MPDZ: variants seen among roughly 807,000 people sequenced by gnomAD.
The protein encoded by MPDZ is multiple PDZ domain crumbs cell polarity complex component.
In MPDZ, 234 loss-of-function variants were observed where a neutral mutation model predicts 239.1. The ratio of observed to expected loss-of-function variants is 0.98; its 90% CI spans 0.88 to 1.09. The LOEUF is 1.09. Among genes scored for constraint, MPDZ ranks in the 50% least tolerant of loss-of-function variants. MPDZ has a pLI of 0.00. For missense variants in MPDZ, 3,175 were observed against 2,510.0 expected (o/e 1.26, Z -5.66); for synonymous variants, 1,048 against 881.3 (o/e 1.19, Z -3.35).
intron 3 of MPDZ, among the ~76,000 whole-genome samples, chr9:13,228,544 T>C (rs1587960304): frequency 6.6e-6 from 1 of 152,116 alleles, no homozygotes; most frequent in Non-Finnish European, 1.5e-5. Flanking sequence ...CACATGTATA[T>C]TCATTTGTAT....
At chr9:13,159,505 A>C (rs1307190784) in intron 23 of MPDZ, among the ~76,000 whole-genome samples, 2 of 152,142 alleles carry the variant, frequency 1.3e-5, no homozygotes, top group African/African-American at 4.8e-5. Context: ...CAAGGCAGAG[A>C]GGTAAAAATT....
intron 23 of MPDZ, among the ~76,000 whole-genome samples, chr9:13,159,662 C>T (rs1950233584): frequency 6.6e-6 from 1 of 152,078 alleles, no homozygotes; most frequent in East Asian, 1.9e-4. Flanking sequence ...AAAGCCTAAG[C>T]AGTGAGAGCT....
chr9:13,109,217 T>C (rs1338648424), intron 45 of MPDZ, among the ~76,000 whole-genome samples, 158 bp from the exon 46 acceptor site: 1 of 152,180 alleles, frequency 6.6e-6, no homozygotes, highest in East Asian at 1.9e-4. Flanking sequence ...AAATTGTCAG[T>C]GCATGCTGTG....
intron 28 of MPDZ, among the ~76,000 whole-genome samples, chr9:13,138,450 G>C (rs900717315): frequency 1.3e-5 from 2 of 152,160 alleles, no homozygotes; most frequent in African/African-American, 4.8e-5. Context: ...ACTCTCAAAA[G>C]ACTATGATTA....
At chr9:13,179,467 A>C (rs2134321128) in intron 19 of MPDZ, among the ~76,000 whole-genome samples, 1 of 152,282 alleles carries the variant, frequency 6.6e-6, no homozygotes, top group African/African-American at 2.4e-5. Context: ...TGAAGGAGTT[A>C]ACACAGACAC....
At chr9:13,114,773 G>C (rs924786829) in intron 40 of MPDZ, among the ~76,000 whole-genome samples, 2 of 151,904 alleles carry the variant, frequency 1.3e-5, no homozygotes, top group Admixed American at 1.3e-4. Context: ...GGTGGTGCAC[G>C]CCTGTAGTCC....
intron 13 of MPDZ, among the ~76,000 whole-genome samples, chr9:13,194,001 A>T (rs1389887423): frequency 6.6e-6 from 1 of 152,176 alleles, no homozygotes; most frequent in African/African-American, 2.4e-5. Flanking sequence ...AAGCGATATC[A>T]CCTGACTTTG....
intron 1 of MPDZ, among the ~76,000 whole-genome samples, chr9:13,266,898 T>C (rs189727512): frequency 1.3e-5 from 2 of 152,310 alleles, no homozygotes; most frequent in African/African-American, 4.8e-5. Flanking sequence ...ATTAGAGGGA[T>C]GTCTACCCTG....
intron 1 of MPDZ, among the ~76,000 whole-genome samples, chr9:13,277,708 G>A (rs1974558898): frequency 6.6e-6 from 1 of 152,074 alleles, no homozygotes; most frequent in African/African-American, 2.4e-5. Flanking sequence ...GAGACTACAG[G>A]TGCGAGCCAT....
intron 32 of MPDZ, among the ~76,000 whole-genome samples, chr9:13,129,948 A>G (rs1262585555): frequency 2.0e-5 from 3 of 152,210 alleles, no homozygotes; most frequent in African/African-American, 7.2e-5. Context: ...ACAAATTAAT[A>G]TTATTTGGAG....
chr9:13,254,265 A>G (rs938060135), intron 1 of MPDZ, among the ~76,000 whole-genome samples: 7 of 152,254 alleles, frequency 4.6e-5, no homozygotes, highest in Admixed American at 2.0e-4. Context: ...CGGTCTATCA[A>G]AGAAAGATCA....
Position 13,198,733 on chromosome 9 carries a change from C to CTGTGTGTGTGTGTGTG in MPDZ, c.1547-2504_1547-2503insCACACACACACACACA, listed in dbSNP as rs746268904. Among the ~76,000 whole-genome samples the CTGTGTGTGTGTGTGTG allele has an allele frequency of 1.2e-3, 110 of 89,486 alleles. 2 individuals carry two copies. Among genetic ancestry groups the CTGTGTGTGTGTGTGTG allele is most frequent in the African/African-American group, 2.9e-3 (104 of 35,344 alleles). The allele number at this position is 89,486 out of a possible 152,430, so 58.7% of individuals were successfully genotyped here. ...TCTTATATTTAGGTCTTTAATCTCT[C>CTGTGTGTGTGTGTGTG]TCTCTGTGTGTGTGTGTGTGTGTGT... On this transcript the variant is annotated intron_variant, in intron 12 of 46. Coordinates refer to ENST00000319217, the MANE Select transcript of MPDZ (RefSeq NM_001378778.1).
chr9:13,248,815 T>A (rs1367318512), intron 2 of MPDZ, among the ~76,000 whole-genome samples: 3 of 145,824 alleles, frequency 2.1e-5, no homozygotes, highest in African/African-American at 5.0e-5. Flanking sequence ...TAAAAAAAAA[T>A]AAAAAAAATC....
rs185116703 is a variant in MPDZ, at chr9:13,162,680, G to A, written c.3359+11C>T. ...TACCATTCATTGTATTAGATTTAATGTTTCACTTACCTGCCAGTGTATGAA... is the reference window on the plus strand; with the variant it reads ...TACCATTCATTGTATTAGATTTAATATTTCACTTACCTGCCAGTGTATGAA... On this transcript the variant is annotated intron_variant, in intron 23 of 46. Coordinates refer to ENST00000319217, the MANE Select transcript of MPDZ (RefSeq NM_001378778.1). 6.4e-7 allele frequency: 1 copy of A among 1,564,920 alleles called. No homozygotes were observed. The highest frequency in any genetic ancestry group is 8.8e-7 in the Non-Finnish European group (1 of 1,137,788).
At chr9:13,160,419 G>C (rs957071170) in intron 23 of MPDZ, among the ~76,000 whole-genome samples, 3 of 152,050 alleles carry the variant, frequency 2.0e-5, no homozygotes, top group African/African-American at 7.2e-5. Flanking sequence ...CCATCCTCTT[G>C]TCTGTGCTTG....
chr9:13,259,341 A>AAAAAG (rs1009798420), intron 1 of MPDZ, among the ~76,000 whole-genome samples: 4 of 151,980 alleles, frequency 2.6e-5, no homozygotes, highest in East Asian at 2.0e-4. Context: ...CTCGGAAAAC[A>AAAAAG]AAAAGAAAAG....
At chr9:13,210,195 T>C (rs528044730) in intron 10 of MPDZ, among the ~76,000 whole-genome samples, 78 of 151,930 alleles carry the variant, frequency 5.1e-4, no homozygotes, top group Non-Finnish European at 9.7e-4. Flanking sequence ...ATCTGTACAA[T>C]TGTGGAAAAG....
intron 39 of MPDZ, among the ~76,000 whole-genome samples, chr9:13,116,195 C>T (rs867974343): frequency 1.2e-4 from 19 of 152,220 alleles, no homozygotes; most frequent in Middle Eastern, 3.4e-3. Flanking sequence ...CAAGAAATGC[C>T]GCACAGTCTA....
At chr9:13,160,449 A>G (rs1950325753) in intron 23 of MPDZ, among the ~76,000 whole-genome samples, 1 of 152,116 alleles carries the variant, frequency 6.6e-6, no homozygotes, top group Non-Finnish European at 1.5e-5. Context: ...CAGTGCTCAA[A>G]GTGGCTTTCT....
Sources: gnomAD v4.1 joint callset for allele counts (sites outside exome capture counted in the v4.1 genomes callset) on GRCh38, gnomAD v4.1.1 for gene constraint, MANE v1.5 for transcripts, NCBI Gene and HGNC (gene_info 2026-07-23, HGNC 2026-07-21) for gene names.